Variants in PPP2R3C observed in about 807,000 individuals in gnomAD.
The protein encoded by PPP2R3C is protein phosphatase 2 regulatory subunit B''gamma.
In PPP2R3C, 47 loss-of-function variants were observed where a neutral mutation model predicts 63.7. The observed-to-expected ratio is 0.74, with a 90% confidence interval of 0.58 to 0.94. The LOEUF (loss-of-function observed/expected upper bound fraction) is 0.94. Among genes scored for constraint, PPP2R3C ranks in the 40% least tolerant of loss-of-function variants. The pLI is 0.00. For missense variants in PPP2R3C, 421 were observed against 518.4 expected, an observed-to-expected ratio of 0.81 and a Z score of 1.82; for synonymous variants, 180 against 177.4, an observed-to-expected ratio of 1.01 and a Z score of -0.12.
At chr14:35,116,582 GCAGGA>G (rs1411703057) in intron 2 of PPP2R3C, 23 bp downstream of exon 2, 9 of 1,533,554 alleles carry the variant, frequency 5.9e-6, no homozygotes, top group Non-Finnish European at 7.9e-6. Flanking sequence ...TTTAAACTCT[GCAGGA>G]CATTTGATTA....
chr14:35,089,859 G>GA (rs2045739817), intron 11 of PPP2R3C, among the ~76,000 whole-genome samples: 1 of 150,898 alleles, frequency 6.6e-6, no homozygotes, highest in Non-Finnish European at 1.5e-5. Context: ...GTAGAGATGG[G>GA]TTTCACCATG....
At chr14:35,104,609 A>G (rs1245975949) in intron 6 of PPP2R3C, among the ~76,000 whole-genome samples, 1 of 152,216 alleles carries the variant, frequency 6.6e-6, no homozygotes, top group Non-Finnish European at 1.5e-5. Context: ...CCATGAAGTT[A>G]TAATTCTCTG....
At chr14:35,113,629 C>T (rs1332744835) in intron 2 of PPP2R3C, among the ~76,000 whole-genome samples, 6 of 152,172 alleles carry the variant, frequency 3.9e-5, no homozygotes, top group Non-Finnish European at 8.8e-5. Context: ...ACACCACTAC[C>T]TCACTGACAC....
intron 1 of PPP2R3C, among the ~76,000 whole-genome samples, chr14:35,119,635 C>A (rs544171253): frequency 6.6e-6 from 1 of 151,814 alleles, no homozygotes; most frequent in African/African-American, 2.4e-5. Flanking sequence ...AGCCACCGAG[C>A]CTCCCAACAC....
intron 1 of PPP2R3C, among the ~76,000 whole-genome samples, chr14:35,120,685 G>A (rs186932318): frequency 6.6e-6 from 1 of 152,244 alleles, no homozygotes; most frequent in Non-Finnish European, 1.5e-5. Context: ...GGCGGCTCAC[G>A]TCTGTAATAG....
chr14:35,106,662 CAT>C (rs1491311036), intron 6 of PPP2R3C, among the ~76,000 whole-genome samples: 9 of 97,892 alleles, frequency 9.2e-5, no homozygotes, highest in South Asian at 3.6e-4. Context: ...CCAGCCAATA[CAT>C]TTTTTTTTTT....
chr14:35,116,727 A>C lies in PPP2R3C; in HGVS notation c.69T>G (p.Ser23Arg). The part of the protein sequence containing the change: ...TPNTCPNKKK[S>R]EQELKDEEMD... Reference sequence around the variant, plus strand: ...TTTCTTCATCTTTTAATTCTTGTTCACTTTTTTTTTCTGGTAACAAAACAG... The same window carrying C: ...TTTCTTCATCTTTTAATTCTTGTTCCCTTTTTTTTTCTGGTAACAAAACAG... The change falls in exon 2 of 13, where the codon AGT (serine) becomes AGG (arginine). Residue 23 changes from serine to arginine, a missense_variant. Ser to Arg is a moderately radical substitution (Grantham distance 110). Coordinates refer to ENST00000261475, the MANE Select transcript of PPP2R3C (RefSeq NM_017917.4). 3 of 1,580,138 alleles carry C rather than the reference A, an allele frequency of 1.9e-6. No individual in the cohort carries two copies. Among genetic ancestry groups the C allele is most frequent in the Admixed American group, 1.8e-5 (1 of 54,786 alleles).
intron 7 of PPP2R3C, chr14:35,098,851 A>G (rs1405540231): frequency 6.3e-6 from 1 of 157,844 alleles, no homozygotes; most frequent in African/African-American, 2.4e-5. Flanking sequence ...AATGGCTCTC[A>G]TATTTCCAAA....
chr14:35,118,711 TG>T (rs2046775994), intron 1 of PPP2R3C, among the ~76,000 whole-genome samples: 1 of 141,934 alleles, frequency 7.0e-6, no homozygotes, highest in Non-Finnish European at 1.5e-5. Flanking sequence ...TGGAGGGCAG[TG>T]GCGCGATCTT....
At chr14:35,104,439 TA>T (rs1471949520) in intron 6 of PPP2R3C, among the ~76,000 whole-genome samples, 1 of 152,174 alleles carries the variant, frequency 6.6e-6, no homozygotes, top group Non-Finnish European at 1.5e-5. Context: ...TCTGAATAAT[TA>T]TTTGATTAAT....
intron 10 of PPP2R3C, among the ~76,000 whole-genome samples, chr14:35,093,898 G>A (rs1193615517): frequency 7.9e-5 from 12 of 152,202 alleles, no homozygotes; most frequent in South Asian, 4.1e-4. Context: ...TGATCCACCC[G>A]CCTCGGCCTC....
chr14:35,091,559 G>A (rs1383573766), intron 10 of PPP2R3C, among the ~76,000 whole-genome samples: 1 of 151,862 alleles, frequency 6.6e-6, no homozygotes, highest in African/African-American at 2.4e-5. Flanking sequence ...TAGAGATGGG[G>A]TTTCTCCATG....
chr14:35,098,650 A>G (rs2046086374), intron 7 of PPP2R3C: 2 of 152,346 alleles, frequency 1.3e-5, no homozygotes, highest in Admixed American at 6.6e-5. Flanking sequence ...TGCCAGGCCC[A>G]TAGCTGAATT....
intron 11 of PPP2R3C, 32 bp from the exon 12 acceptor site, chr14:35,088,042 A>G: frequency 6.8e-7 from 1 of 1,464,134 alleles, no homozygotes; most frequent in Non-Finnish European, 9.6e-7. Flanking sequence ...CTGTAAATAA[A>G]AAATGAAATA....
At chr14:35,115,804 T>C (rs1367730687) in intron 2 of PPP2R3C, among the ~76,000 whole-genome samples, 1 of 151,894 alleles carries the variant, frequency 6.6e-6, no homozygotes, top group East Asian at 1.9e-4. Context: ...GTATTTTGAG[T>C]AGAGACAGGG....
chr14:35,103,597 C>T (rs900905369), intron 6 of PPP2R3C, among the ~76,000 whole-genome samples: 19 of 152,096 alleles, frequency 1.2e-4, no homozygotes, highest in African/African-American at 4.6e-4. Flanking sequence ...GAAAATTGTA[C>T]TGTGTCCCTG....
rs1347486942 is a variant in PPP2R3C, at chr14:35,087,966, T to G, written c.1158A>C (p.Ser386=). The G allele has an allele frequency of 1.3e-6, 2 of 1,596,804 alleles. No individual in the cohort carries two copies. The highest frequency in any genetic ancestry group is 2.2e-5 in the South Asian group (2 of 90,692). ...LMKIHGQDPV[S]FQDVKDEIFD... ...AAAAGATAACCTTGACATCTTGAAA[T>G]GAAACAGGATCTTGTCCATGGATTT... The change falls in exon 12 of 13, where the codon TCA becomes TCC. Residue 386 remains serine, a synonymous_variant. Coordinates refer to ENST00000261475, the MANE Select transcript of PPP2R3C (RefSeq NM_017917.4).
At chr14:35,096,915 T>A (rs1595090234) in intron 7 of PPP2R3C, 151 bp from the exon 8 acceptor site, 1 of 812,164 alleles carries the variant, frequency 1.2e-6, no homozygotes, top group Non-Finnish European at 1.8e-6. Flanking sequence ...TACATATTGC[T>A]ACAAAAAGGG....
intron 11 of PPP2R3C, among the ~76,000 whole-genome samples, chr14:35,088,697 C>G (rs982217934): frequency 6.6e-6 from 1 of 152,150 alleles, no homozygotes; most frequent in African/African-American, 2.4e-5. Context: ...TGAGTACATG[C>G]TCTGTTAATA....
Sources: gnomAD v4.1 joint callset for allele counts (sites outside exome capture counted in the v4.1 genomes callset) on GRCh38, gnomAD v4.1.1 for gene constraint, MANE v1.5 for transcripts, NCBI Gene and HGNC (gene_info 2026-07-23, HGNC 2026-07-21) for gene names.